The following MTA3 variants were observed in gnomAD, a reference collection of about 807,000 sequenced individuals.
MTA3 encodes the protein metastasis-associated protein MTA3.
MTA3 carries 34 observed loss-of-function variants against 83.5 expected under a neutral mutation model. The ratio of observed to expected loss-of-function variants is 0.41; its 90% confidence interval spans 0.31 to 0.54. The LOEUF is 0.54. Among genes scored for constraint, MTA3 ranks in the 20% least tolerant of loss-of-function variants. MTA3 has a pLI of 0.33. For synonymous variants in MTA3, 303 were observed against 252.7 expected (o/e 1.20, Z -1.89); for missense variants, 761 against 726.4 (o/e 1.05, Z -0.55).
intron 2 of MTA3, among the ~76,000 whole-genome samples, chr2:42,578,150 T>C (rs142776930): frequency 6.6e-6 from 1 of 152,330 alleles, no homozygotes; most frequent in East Asian, 1.9e-4. Context: ...TGAGTATATC[T>C]GTAAGACCAG....
rs1572960702 is a variant in MTA3, at chr2:42,547,700, TTAC to T, written c.-140-22736_-140-22734del. On this transcript the variant is annotated intron_variant, in intron 2 of 17. Coordinates refer to the MTA3 transcript ENST00000405592. ...GGGACTGGCCAAGACTTAGCTATTG[TTAC>T]AGGCGCATACTCCTAAATTAGGTTT... Among the ~76,000 whole-genome samples, 4 of 152,356 alleles carry T rather than the reference TTAC, an allele frequency of 2.6e-5. No homozygotes were observed. The East Asian group carries it at 7.7e-4, about 29-fold the overall frequency.
Position 42,522,806 on chromosome 2 carries a change from C to CT in MTA3, c.-141+27572dup, listed in dbSNP as rs1173170546. Among the ~76,000 whole-genome samples, 543 of 116,146 alleles carry CT rather than the reference C, an allele frequency of 4.7e-3. 3 individuals carry two copies. Among genetic ancestry groups the CT allele is most frequent in the South Asian group, 0.015 (52 of 3,550 alleles). The allele number at this position is 116,146 out of a possible 152,430, so 76.2% of individuals were successfully genotyped here. ...GGAAGAAGGGAGATCAACATGTGGT[C>CT]TTTTTTTTTTTTTTTTTTTTGAGAC... On this transcript the variant is annotated intron_variant, in intron 2 of 17. Coordinates refer to the MTA3 transcript ENST00000405592.
intron 16 of MTA3, among the ~76,000 whole-genome samples, chr2:42,744,398 G>C (rs1039474645): frequency 6.6e-6 from 1 of 152,166 alleles, no homozygotes; most frequent in African/African-American, 2.4e-5. Context: ...GAGCCCCTCA[G>C]AGGCCTAGAC....
intron 3 of MTA3, among the ~76,000 whole-genome samples, chr2:42,596,342 T>C (rs975963286): frequency 1.3e-5 from 2 of 152,236 alleles, no homozygotes; most frequent in Non-Finnish European, 2.9e-5. Flanking sequence ...ACCCCTTGAT[T>C]GGAGTTGGCA....
intron 3 of MTA3, among the ~76,000 whole-genome samples, chr2:42,594,705 C>CATATATATATAT (rs1167117095): frequency 3.2e-3 from 150 of 46,334 alleles, no homozygotes; most frequent in Non-Finnish European, 4.5e-3. Flanking sequence ...TATAAATATA[C>CATATATATATAT]ATATATATAT....
At chr2:42,621,783 G>A (rs1334769656) in intron 4 of MTA3, among the ~76,000 whole-genome samples, 5 of 151,730 alleles carry the variant, frequency 3.3e-5, no homozygotes, top group South Asian at 4.2e-4. Context: ...CAGACGGGGC[G>A]GCTGGGCAGA....
intron 2 of MTA3, among the ~76,000 whole-genome samples, chr2:42,540,381 C>T (rs1391908332): frequency 1.3e-5 from 2 of 151,508 alleles, no homozygotes; most frequent in Non-Finnish European, 2.9e-5. Context: ...TCTATGTTGC[C>T]CAAGCTGGTC....
intron 4 of MTA3, among the ~76,000 whole-genome samples, chr2:42,611,322 T>TACACACATACACACAC (rs1553361012): frequency 1.9e-4 from 3 of 16,062 alleles, no homozygotes; most frequent in Non-Finnish European, 4.0e-4. Context: ...ACTTAACACA[T>TACACACATACACACAC]ACACACACAC....
rs1693336164 is a variant in MTA3, at chr2:42,695,746, TG to T, written c.892-18del. ...TTATATGTTAACATAGATGATAGGT[TG>T]ATTTTTTTTTTTTTCAGCTTCCTTG... On this transcript the variant is annotated intron_variant, in intron 9 of 16. Transcript: ENST00000405094. The T allele has an allele frequency of 7.0e-7, 1 of 1,422,822 alleles. No individual in the cohort carries two copies. The allele number at this position is 1,422,822 out of a possible 1,614,324, so 88.1% of individuals were successfully genotyped here. A position where few individuals can be genotyped will look rare whatever the true frequency, so the allele number is the denominator to read the frequency against.
chr2:42,694,856 C>G (rs1423230920), intron 9 of MTA3, among the ~76,000 whole-genome samples: 1 of 152,104 alleles, frequency 6.6e-6, no homozygotes. Context: ...GAAATGTTAT[C>G]AGGGCTGGTC....
At chr2:42,555,849 A>G (rs990088051) in intron 2 of MTA3, among the ~76,000 whole-genome samples, 1 of 152,138 alleles carries the variant, frequency 6.6e-6, no homozygotes, top group African/African-American at 2.4e-5. Context: ...AGGAGGGTGG[A>G]TCACCTGAGG....
chr2:42,505,269 G>A (rs1674580625), intron 2 of MTA3, among the ~76,000 whole-genome samples: 1 of 152,106 alleles, frequency 6.6e-6, no homozygotes, highest in Admixed American at 6.6e-5. Flanking sequence ...GCATGCACCT[G>A]TAGTCCCAGC....
chr2:42,565,519 C>T (rs1677871970), upstream of MTA3, among the ~76,000 whole-genome samples: 1 of 151,960 alleles, frequency 6.6e-6, no homozygotes, highest in Admixed American at 6.6e-5. Flanking sequence ...TGGTAAAGAA[C>T]TACCTTGTAT....
chr2:42,634,654 T>C (rs1687012743), intron 4 of MTA3, among the ~76,000 whole-genome samples: 3 of 152,144 alleles, frequency 2.0e-5, no homozygotes, highest in Admixed American at 2.0e-4. Flanking sequence ...CCCCCTTTCA[T>C]TTTAAATTTA....
At chr2:42,680,335 A>G (rs1691757634) in intron 8 of MTA3, 1 of 152,276 alleles carries the variant, frequency 6.6e-6, no homozygotes, top group African/African-American at 2.4e-5. Flanking sequence ...CATAGCTGGC[A>G]CTGAGACCTT....
Position 42,656,272 on chromosome 2 carries a change from G to A in MTA3, c.572G>A (p.Arg191Gln), listed in dbSNP as rs768192257. Reference sequence around the variant, plus strand: ...GATCCAAATAGCCCACTTACGGATCGACAGATTGACCAGTTTTTAGTTGTA... The same window carrying A: ...GATCCAAATAGCCCACTTACGGATCAACAGATTGACCAGTTTTTAGTTGTA... ...VWDPNSPLTD[R>Q]QIDQFLVVAR... The change falls in exon 7 of 17, where the codon CGA (arginine) becomes CAA (glutamine). Residue 191 changes from arginine (R) to glutamine (Q), a missense_variant. Coordinates refer to ENST00000405094, the MANE Select transcript of MTA3 (RefSeq NM_001330442.2). 5.0e-6 allele frequency: 8 copies of A among 1,613,602 alleles called. No homozygotes were observed. Among genetic ancestry groups the A allele is most frequent in the East Asian group, 2.2e-5 (1 of 44,842 alleles).
At chr2:42,624,307 T>G (rs915478095) in intron 4 of MTA3, among the ~76,000 whole-genome samples, 1 of 152,048 alleles carries the variant, frequency 6.6e-6, no homozygotes, top group Non-Finnish European at 1.5e-5. Flanking sequence ...TATATTAACT[T>G]TAATTTTTAA....
intron 2 of MTA3, among the ~76,000 whole-genome samples, chr2:42,530,184 C>CAA (rs11372241): frequency 0.01 from 1,427 of 136,174 alleles, 22 homozygotes; most frequent in African/African-American, 0.036. Flanking sequence ...AACTCCATCT[C>CAA]AAAAAAAAAA....
In MTA3 at chr2:42,656,197, C is replaced by T; in HGVS notation, c.500-3C>T. 6.2e-7 allele frequency: 1 copy of T among 1,608,962 alleles called. No homozygotes were observed. Among genetic ancestry groups the T allele is most frequent in the Non-Finnish European group, 8.5e-7 (1 of 1,175,810 alleles). Reference sequence around the variant, plus strand: ...AGACTCCATTTTATTTATTTTTGGACAGGAGAATCAGATGAGAGGGAACAA... The same window carrying T: ...AGACTCCATTTTATTTATTTTTGGATAGGAGAATCAGATGAGAGGGAACAA... On this transcript the variant is annotated splice_polypyrimidine_tract_variant and splice_region_variant and intron_variant, in intron 6 of 16. Transcript: ENST00000405094.
Sources: allele counts gnomAD v4.1 joint callset (sites outside exome capture counted in the v4.1 genomes callset), GRCh38; gene constraint gnomAD v4.1.1; transcripts MANE v1.5; gene names NCBI Gene and HGNC (gene_info 2026-07-23, HGNC 2026-07-21).